The following NALF1 variants were observed in gnomAD, a reference collection of about 807,000 sequenced individuals.
NALF1 encodes NALCN channel auxiliary factor 1.
A neutral mutation model predicts 48.4 loss-of-function variants in NALF1; 3 were observed. That is an observed-to-expected ratio of 0.06 (90% CI 0.03 to 0.16). The LOEUF (loss-of-function observed/expected upper bound fraction) is 0.16, where lower values mean the gene tolerates loss of function less well. Among genes scored for constraint, NALF1 ranks in the 10% least tolerant of loss-of-function variants. The pLI is 1.00. For missense variants in NALF1, 526 were observed against 571.5 expected, an observed-to-expected ratio of 0.92 and a Z score of 0.81; for synonymous variants, 262 against 245.7, an observed-to-expected ratio of 1.07 and a Z score of -0.62.
At chr13:107,638,901 A>G (rs1880067031) in intron 1 of NALF1, among the ~76,000 whole-genome samples, 1 of 152,142 alleles carries the variant, frequency 6.6e-6, no homozygotes, top group African/African-American at 2.4e-5. Flanking sequence ...CACAGATGTA[A>G]GTGGGGCCAG....
rs1357554782 is a variant in NALF1 at position 107,488,797 on chromosome 13, T to C, written c.916-278042A>G. 5.9e-5 allele frequency among the ~76,000 whole-genome samples: 9 copies of C among 152,142 alleles called. No homozygotes were observed. The East Asian group carries it at 1.7e-3, about 29-fold the overall frequency. ...AGGGCAATCAGACAAGATAAAGAAA[T>C]AAGGGGCATTCAAACAGGAAGAGAG... On this transcript the variant is annotated intron_variant, in intron 1 of 2. Coordinates refer to ENST00000375915, the MANE Select transcript of NALF1 (RefSeq NM_001080396.3).
At chr13:107,252,798 C>A (rs1358108004) in intron 1 of NALF1, among the ~76,000 whole-genome samples, 2 of 152,210 alleles carry the variant, frequency 1.3e-5, no homozygotes, top group African/African-American at 4.8e-5. Flanking sequence ...CTCAAACTTA[C>A]TGCAGACACC....
chr13:107,808,838 T>C (rs1015941185), intron 1 of NALF1, among the ~76,000 whole-genome samples: 1 of 152,040 alleles, frequency 6.6e-6, no homozygotes, highest in Non-Finnish European at 1.5e-5. Context: ...CAAGAAACCT[T>C]GCAATACACA....
At chr13:107,800,096 C>CGGAGTTG (rs1443868585) in intron 1 of NALF1, among the ~76,000 whole-genome samples, 3 of 152,040 alleles carry the variant, frequency 2.0e-5, no homozygotes, top group African/African-American at 7.2e-5. Context: ...ACTTAAGGAG[C>CGGAGTTG]ATGTAGTTGA....
At chr13:107,726,384 A>G (rs1302120597) in intron 1 of NALF1, among the ~76,000 whole-genome samples, 1 of 152,108 alleles carries the variant, frequency 6.6e-6, no homozygotes, top group Non-Finnish European at 1.5e-5. Context: ...CTTGAAGCCA[A>G]GTAAATTATA....
intron 1 of NALF1, among the ~76,000 whole-genome samples, chr13:107,864,750 T>G (rs1286458004): frequency 6.6e-6 from 1 of 152,198 alleles, no homozygotes; most frequent in African/African-American, 2.4e-5. Context: ...ACAGAGACGC[T>G]TCTATTAAAA....
At chr13:107,634,852 C>G (rs1321671434) in intron 1 of NALF1, among the ~76,000 whole-genome samples, 1 of 151,990 alleles carries the variant, frequency 6.6e-6, no homozygotes, top group Non-Finnish European at 1.5e-5. Context: ...AAATGGTCTA[C>G]AATGGGAACT....
chr13:107,679,404 T>C (rs191228383), intron 1 of NALF1, among the ~76,000 whole-genome samples: 17 of 152,310 alleles, frequency 1.1e-4, no homozygotes, highest in African/African-American at 4.1e-4. Context: ...TCAATAAATA[T>C]TTGTCAAAGA....
chr13:107,417,681 C>T (rs147939741), intron 1 of NALF1, among the ~76,000 whole-genome samples: 96 of 152,202 alleles, frequency 6.3e-4, no homozygotes, highest in African/African-American at 2.1e-3. Flanking sequence ...CATCCTGTTT[C>T]GTAATATCAC....
At chr13:107,324,280 T>C (rs1882308515) in intron 1 of NALF1, among the ~76,000 whole-genome samples, 1 of 152,224 alleles carries the variant, frequency 6.6e-6, no homozygotes, top group Admixed American at 6.5e-5. Flanking sequence ...AAAAGGCCTA[T>C]CATTTTAAAA....
At position 107,538,241 on chromosome 13, in the gene NALF1, T is replaced by C. The variant is rs967335711; in HGVS notation, c.915+327441A>G. ...CATGTAATAAATGCATTTCTTTCTA[T>C]TTGTACAATCCATATCCTTTATTTG... On this transcript the variant is annotated intron_variant, in intron 1 of 2. Transcript: ENST00000375915. Among the ~76,000 whole-genome samples, 7 of 152,256 alleles carry C rather than the reference T, an allele frequency of 4.6e-5. No homozygotes were observed. In the East Asian group the frequency reaches 1.4e-3, roughly 29 times the overall value.
intron 1 of NALF1, among the ~76,000 whole-genome samples, chr13:107,799,128 AG>A (rs1186568680): frequency 6.6e-6 from 1 of 152,340 alleles, no homozygotes; most frequent in African/African-American, 2.4e-5. Context: ...TCTTCTACTT[AG>A]TACCTAATCC....
At chr13:107,311,384 A>G (rs1486482770) in intron 1 of NALF1, among the ~76,000 whole-genome samples, 3 of 152,300 alleles carry the variant, frequency 2.0e-5, no homozygotes, top group Non-Finnish European at 4.4e-5. Flanking sequence ...TAATTTGAAA[A>G]CTGTCAGATC....
chr13:107,726,523 C>T (rs1876154356), intron 1 of NALF1, among the ~76,000 whole-genome samples: 1 of 151,748 alleles, frequency 6.6e-6, no homozygotes, highest in African/African-American at 2.4e-5. Flanking sequence ...GGCTCTTGCC[C>T]TCATGTATAT....
chr13:107,237,623 T>A (rs74114008), intron 1 of NALF1, among the ~76,000 whole-genome samples: 7,467 of 152,268 alleles, frequency 0.049, 251 homozygotes, highest in Admixed American at 0.1. Context: ...TACACTATAT[T>A]GTTTAGGGAA....
At chr13:107,810,390 T>G (rs1210384583) in intron 1 of NALF1, among the ~76,000 whole-genome samples, 1 of 152,062 alleles carries the variant, frequency 6.6e-6, no homozygotes, top group African/African-American at 2.4e-5. Flanking sequence ...GAAGTCTATC[T>G]CTCCCAGATT....
chr13:107,270,159 A>G lies in NALF1; in HGVS notation c.916-59404T>C, dbSNP rs551395433. Among the ~76,000 whole-genome samples, 39 of 152,184 alleles carry G rather than the reference A, an allele frequency of 2.6e-4. No individual in the cohort carries two copies. In the South Asian group the frequency reaches 5.0e-3, roughly 19 times the overall value. The stretch of plus-strand genomic sequence containing the variant: ...ACCTATATGAGGCCATCAAAATGTA[A>G]AAGTTTCTATTCCAGGAATAATCAA... On this transcript the variant is annotated intron_variant, in intron 1 of 2. Transcript: ENST00000375915.
At chr13:107,577,830 C>T (rs185987321) in intron 1 of NALF1, among the ~76,000 whole-genome samples, 1 of 152,138 alleles carries the variant, frequency 6.6e-6, no homozygotes, top group African/African-American at 2.4e-5. Flanking sequence ...TCCCTGTGTA[C>T]GTTCTGGTTC....
intron 1 of NALF1, among the ~76,000 whole-genome samples, chr13:107,734,405 A>C (rs1352598471): frequency 1.1e-4 from 6 of 52,678 alleles, no homozygotes; most frequent in African/African-American, 2.8e-4. Flanking sequence ...TTCCTTTAAA[A>C]AAAAACACAC....
Sources: gnomAD v4.1 joint callset for allele counts (sites outside exome capture counted in the v4.1 genomes callset) on GRCh38, gnomAD v4.1.1 for gene constraint, MANE v1.5 for transcripts, NCBI Gene and HGNC (gene_info 2026-07-23, HGNC 2026-07-21) for gene names.